Variants in DNAAF5 observed in about 807,000 individuals in gnomAD.
The protein encoded by DNAAF5 is HEAT repeat containing 2.
In DNAAF5, 64 loss-of-function variants were observed where a neutral mutation model predicts 75.8. The ratio of observed to expected loss-of-function variants is 0.84; its 90% CI spans 0.69 to 1.04. The LOEUF is 1.04. Among genes scored for constraint, DNAAF5 ranks in the 50% least tolerant of loss-of-function variants. The pLI is 0.00. For synonymous variants in DNAAF5, 657 were observed against 557.2 expected, an observed-to-expected ratio of 1.18 and a Z score of -2.52; for missense variants, 1,269 against 1,178.5, an observed-to-expected ratio of 1.08 and a Z score of -1.12.
Position 726,822 on chromosome 7 carries a change from G to C in DNAAF5, c.102G>C (p.Leu34=), listed in dbSNP as rs1214295481. 2.3e-6 allele frequency: 3 copies of C among 1,324,746 alleles called. No individual in the cohort carries two copies. The Admixed American group carries it at 1.1e-4, about 49-fold the overall frequency. 82.1% of individuals were successfully genotyped at this position (1,324,746 alleles called of 1,614,324 possible). The change falls in exon 1 of 13, where the codon CTG becomes CTC. Residue 34 remains leucine, a synonymous_variant. Coordinates refer to ENST00000297440, the MANE Select transcript of DNAAF5 (RefSeq NM_017802.4). ...AVELSRALSR[L]LPGLEADSKP... is the part of the protein sequence containing the mutation. ...AGCTGAGCCGCGCCCTGAGCCGCCT[G>C]CTGCCGGGGCTGGAGGCCGACAGCA...
At chr7:753,580 T>C (rs896360342) in intron 4 of DNAAF5, among the ~76,000 whole-genome samples, 3 of 132,380 alleles carry the variant, frequency 2.3e-5, no homozygotes, top group Non-Finnish European at 4.8e-5. Context: ...TCTGATCATA[T>C]GGGGACGGCT....
rs535699107 is a variant in DNAAF5 at position 732,006 on chromosome 7, C to G, written c.780+2159C>G. Among the ~76,000 whole-genome samples, 16 of 152,326 alleles carry G rather than the reference C, an allele frequency of 1.1e-4. No individual in the cohort carries two copies. In the East Asian group the frequency reaches 3.1e-3, roughly 29 times the overall value. On this transcript the variant is annotated intron_variant, in intron 2 of 12. Coordinates refer to ENST00000297440, the MANE Select transcript of DNAAF5 (RefSeq NM_017802.4). ...GACTGCCTTCTGACTCGTAGGAAAC[C>G]TTCCAGCAGCCTGCTAGACTCGGCT... is the stretch of plus-strand genomic sequence containing the variant.
chr7:785,488 C>A (rs756339070), intron 12 of DNAAF5, 29 bp from the exon 13 acceptor site: 6 of 1,606,014 alleles, frequency 3.7e-6, no homozygotes, highest in Non-Finnish European at 5.1e-6. Context: ...TTGTTTCTGG[C>A]ATGTTCAAGG....
rs1778539549 is a variant in DNAAF5 at position 770,874 on chromosome 7, G to T, written c.1931+256G>T. ...CTCCCCCACAGCACTCTGGGTGAGG[G>T]TTCCCCACACCAAGTCTGAGGTGGG... On this transcript the variant is annotated intron_variant, in intron 9 of 12. Coordinates refer to ENST00000297440, the MANE Select transcript of DNAAF5 (RefSeq NM_017802.4). The T allele has an allele frequency of 1.2e-5, 5 of 429,320 alleles. No individual in the cohort carries two copies. The South Asian group carries it at 1.5e-4, about 13-fold the overall frequency. The allele number at this position is 429,320 out of a possible 1,614,324, so 26.6% of individuals were successfully genotyped here. A position where few individuals can be genotyped will look rare whatever the true frequency, so the allele number is the denominator to read the frequency against.
At chr7:737,141 G>A (rs1406240399) in intron 2 of DNAAF5, among the ~76,000 whole-genome samples, 1 of 151,736 alleles carries the variant, frequency 6.6e-6, no homozygotes, top group Non-Finnish European at 1.5e-5. Context: ...TGTCACCCAG[G>A]CTGGAGTGCA....
At chr7:736,325 C>T (rs1781738280) in intron 2 of DNAAF5, among the ~76,000 whole-genome samples, 3 of 152,200 alleles carry the variant, frequency 2.0e-5, no homozygotes, top group African/African-American at 7.2e-5. Flanking sequence ...CTAGCTGTTA[C>T]TGTGTTGGAG....
intron 4 of DNAAF5, among the ~76,000 whole-genome samples, chr7:745,304 G>T (rs1027045057): frequency 6.6e-6 from 1 of 152,256 alleles, no homozygotes; most frequent in Non-Finnish European, 1.5e-5. Flanking sequence ...ACCCAGGAGG[G>T]TCCAGTCCTT....
At position 779,820 on chromosome 7, in the gene DNAAF5, TC is replaced by T. The variant is rs947478261; in HGVS notation, c.2240-130del. 5 of 718,154 alleles carry T rather than the reference TC, an allele frequency of 7.0e-6. No homozygotes were observed. The Admixed American group carries it at 1.1e-4, about 16-fold the overall frequency. 44.5% of individuals were successfully genotyped at this position (718,154 alleles called of 1,614,324 possible). Reference sequence around the variant, plus strand: ...CATGTGGCTCGGGATGCACGGAGTCTCCCGTGAGGTGTGGGTTTCTTAGGAC... The same window carrying T: ...CATGTGGCTCGGGATGCACGGAGTCTCCGTGAGGTGTGGGTTTCTTAGGAC... On this transcript the variant is annotated intron_variant, in intron 11 of 12. Coordinates refer to ENST00000297440, the MANE Select transcript of DNAAF5 (RefSeq NM_017802.4).
intron 6 of DNAAF5, among the ~76,000 whole-genome samples, chr7:759,641 G>A (rs1031099300): frequency 6.6e-6 from 1 of 152,150 alleles, no homozygotes; most frequent in Non-Finnish European, 1.5e-5. Flanking sequence ...CTGTGTGTGT[G>A]CGTTGTATGT....
intron 4 of DNAAF5, among the ~76,000 whole-genome samples, chr7:745,663 TCACA>T (rs551596750): frequency 6.6e-6 from 1 of 151,088 alleles, no homozygotes; most frequent in Non-Finnish European, 1.5e-5. Context: ...ACACTTATCC[TCACA>T]CACGTGTACA....
At chr7:743,443 C>T (rs1007215045) in intron 4 of DNAAF5, among the ~76,000 whole-genome samples, 3 of 152,048 alleles carry the variant, frequency 2.0e-5, no homozygotes, top group Admixed American at 6.5e-5. Context: ...GTTAAATCCA[C>T]GCCTACAGAG....
intron 11 of DNAAF5, among the ~76,000 whole-genome samples, chr7:779,221 A>T (rs1778857675): frequency 1.3e-5 from 2 of 152,210 alleles, no homozygotes; most frequent in Admixed American, 6.5e-5. Context: ...CAGCGGGAAG[A>T]TGGGCCTGGT....
At chr7:778,978 T>A (rs1778851175) in intron 11 of DNAAF5, among the ~76,000 whole-genome samples, 1 of 152,258 alleles carries the variant, frequency 6.6e-6, no homozygotes, top group East Asian at 1.9e-4. Context: ...GGTGCCTGTG[T>A]TTGGTGGCTG....
intron 10 of DNAAF5, among the ~76,000 whole-genome samples, 200 bp from the exon 11 acceptor site, chr7:774,804 AGT>A (rs1778703248): frequency 6.6e-6 from 1 of 152,214 alleles, no homozygotes; most frequent in African/African-American, 2.4e-5. Context: ...AGTTGTGAAC[AGT>A]GTGCGTATTT....
At chr7:753,763 G>A (rs1378609342) in intron 4 of DNAAF5, among the ~76,000 whole-genome samples, 1 of 145,754 alleles carries the variant, frequency 6.9e-6, no homozygotes, top group African/African-American at 2.6e-5. Context: ...TATGGCGACG[G>A]CTTCGCAGGC....
At chr7:776,735 C>T (rs1047057347) in intron 11 of DNAAF5, among the ~76,000 whole-genome samples, 8 of 152,200 alleles carry the variant, frequency 5.3e-5, no homozygotes, top group Non-Finnish European at 1.0e-4. Flanking sequence ...TTCAGAGAGC[C>T]CCTCACTCAG....
chr7:745,720 G>A (rs767175734), intron 4 of DNAAF5, among the ~76,000 whole-genome samples: 9 of 152,192 alleles, frequency 5.9e-5, no homozygotes, highest in African/African-American at 1.2e-4. Context: ...CATATCACAC[G>A]TACGTGTGTG....
At chr7:781,868 C>G (rs891845062) in intron 12 of DNAAF5, among the ~76,000 whole-genome samples, 5 of 152,162 alleles carry the variant, frequency 3.3e-5, no homozygotes, top group Non-Finnish European at 7.3e-5. Context: ...AGCCTGAGCT[C>G]CTCATATATT....
At chr7:776,570 C>A (rs1778766738) in intron 11 of DNAAF5, among the ~76,000 whole-genome samples, 1 of 152,186 alleles carries the variant, frequency 6.6e-6, no homozygotes, top group Non-Finnish European at 1.5e-5. Context: ...GGGGCCGGGC[C>A]ACCCTGCAGC....
Sources: allele counts gnomAD v4.1 joint callset (sites outside exome capture counted in the v4.1 genomes callset), GRCh38; gene constraint gnomAD v4.1.1; transcripts MANE v1.5; gene names NCBI Gene and HGNC (gene_info 2026-07-23, HGNC 2026-07-21).